Variants in NDC1 observed in about 807,000 individuals in gnomAD.
NDC1 encodes the protein NDC1 transmembrane nucleoporin.
A neutral mutation model predicts 89.8 loss-of-function variants in NDC1; 24 were observed. That is an observed-to-expected ratio of 0.27 (90% CI 0.19 to 0.38). The LOEUF is 0.38. Among genes scored for constraint, NDC1 ranks in the 10% least tolerant of loss-of-function variants. The pLI is 1.00. For synonymous variants in NDC1, 296 were observed against 284.8 expected, an observed-to-expected ratio of 1.04 and a Z score of -0.39; for missense variants, 728 against 797.6, an observed-to-expected ratio of 0.91 and a Z score of 1.05.
At chr1:53,771,621 T>C (rs1400842494) in intron 17 of NDC1, among the ~76,000 whole-genome samples, 1 of 152,234 alleles carries the variant, frequency 6.6e-6, no homozygotes, top group Non-Finnish European at 1.5e-5. Context: ...TTTTTAACTT[T>C]ATTTAACTTT....
intron 14 of NDC1, among the ~76,000 whole-genome samples, chr1:53,792,186 C>A (rs1308728333): frequency 6.6e-6 from 1 of 152,134 alleles, no homozygotes; most frequent in African/African-American, 2.4e-5. Flanking sequence ...TCGTGATCCG[C>A]CCGCCTTGGC....
chr1:53,787,815 A>G (rs1320066355), intron 15 of NDC1, among the ~76,000 whole-genome samples: 1 of 151,188 alleles, frequency 6.6e-6, no homozygotes, highest in Non-Finnish European at 1.5e-5. Flanking sequence ...TCTATTAGGA[A>G]GAAAATTTTA....
At chr1:53,769,034 C>T (rs1407545443) in intron 17 of NDC1, among the ~76,000 whole-genome samples, 3 of 152,104 alleles carry the variant, frequency 2.0e-5, no homozygotes, top group Non-Finnish European at 2.9e-5. Context: ...TGATATGGGC[C>T]AGGCATGGTG....
At chr1:53,789,330 C>A (rs1192863541) in intron 14 of NDC1, 134 bp from the exon 15 acceptor site, 9 of 587,434 alleles carry the variant, frequency 1.5e-5, no homozygotes, top group Admixed American at 3.2e-5. Context: ...AAAATAAATT[C>A]TTTTATATTT....
intron 6 of NDC1, among the ~76,000 whole-genome samples, chr1:53,817,291 T>C (rs1648515148): frequency 1.3e-5 from 2 of 152,184 alleles, no homozygotes; most frequent in African/African-American, 4.8e-5. Flanking sequence ...ATATATATGA[T>C]GGAATACTAT....
rs566959469 is a variant in NDC1, at chr1:53,791,965, C to T, written c.1635+1264G>A. ...CTTCTTCTTTTTTTTTTTTTTGAGA[C>T]GGCGTCTCGCTCTTTCACCCAGGCC... On this transcript the variant is annotated intron_variant, in intron 14 of 17. Transcript: ENST00000371429. Among the ~76,000 whole-genome samples, 27 of 148,882 alleles carry T rather than the reference C, an allele frequency of 1.8e-4. No individual in the cohort carries two copies. The South Asian group carries it at 5.5e-3, about 30-fold the overall frequency.
intron 6 of NDC1, among the ~76,000 whole-genome samples, chr1:53,817,191 C>A (rs904226495): frequency 6.6e-6 from 1 of 152,196 alleles, no homozygotes; most frequent in Non-Finnish European, 1.5e-5. Context: ...CTTGCACACA[C>A]ATATGTATAG....
intron 16 of NDC1, among the ~76,000 whole-genome samples, chr1:53,784,827 A>T (rs1647266288): frequency 6.6e-6 from 1 of 151,826 alleles, no homozygotes; most frequent in Admixed American, 6.6e-5. Flanking sequence ...GCATAGTGGC[A>T]TGTGCCTGTA....
At position 53,803,749 on chromosome 1, in the gene NDC1, C is replaced by T. The variant is rs565824308; in HGVS notation, c.1066+179G>A. Reference sequence around the variant, plus strand: ...ACCACGCCCGGCTAATTTTTTGTATCTTTAGTAGAGACAGGGTTTCACCGT... The same window carrying T: ...ACCACGCCCGGCTAATTTTTTGTATTTTTAGTAGAGACAGGGTTTCACCGT... On this transcript the variant is annotated intron_variant, in intron 10 of 17. Coordinates refer to ENST00000371429, the MANE Select transcript of NDC1 (RefSeq NM_018087.5). Among the ~76,000 whole-genome samples the T allele has an allele frequency of 4.7e-4, 72 of 152,020 alleles. No homozygotes were observed. The East Asian group carries it at 0.012, about 25-fold the overall frequency.
intron 8 of NDC1, 26 bp from the exon 9 acceptor site, chr1:53,806,543 A>G (rs760112863): frequency 1.1e-5 from 15 of 1,384,740 alleles, no homozygotes; most frequent in Non-Finnish European, 1.4e-5. Context: ...AAAACCAAAA[A>G]TGATTATTTT....
Position 53,837,954 on chromosome 1 carries a change from T to C in NDC1, c.57+251A>G, listed in dbSNP as rs192276889. ...AACTCCGCCTCACTCCCTATTCCAA[T>C]TTCCATTCAGTCCATCCGTCCCACT... On this transcript the variant is annotated intron_variant, in intron 1 of 17. Transcript: ENST00000371429. 6.7e-3 allele frequency among the ~76,000 whole-genome samples: 1,015 copies of C among 152,320 alleles called. 5 individuals carry two copies. The highest frequency in any genetic ancestry group is 0.013 in the South Asian group (61 of 4,834).
intron 10 of NDC1, among the ~76,000 whole-genome samples, chr1:53,801,189 G>T (rs1647902034): frequency 6.6e-6 from 1 of 151,590 alleles, no homozygotes; most frequent in African/African-American, 2.4e-5. Flanking sequence ...TACTTCACTA[G>T]CAGTATTAAA....
At chr1:53,788,265 G>T (rs1647370715) in intron 15 of NDC1, among the ~76,000 whole-genome samples, 3 of 152,020 alleles carry the variant, frequency 2.0e-5, no homozygotes, top group Non-Finnish European at 4.4e-5. Flanking sequence ...TTGAACTCCA[G>T]CTTGGGAGAC....
intron 3 of NDC1, 60 bp downstream of exon 3, chr1:53,832,430 G>C: frequency 1.1e-6 from 1 of 886,854 alleles, no homozygotes; most frequent in South Asian, 1.5e-5. Flanking sequence ...AATGTACTAA[G>C]TCTTCCCTTA....
chr1:53,772,114 C>A (rs1647118460), intron 17 of NDC1, among the ~76,000 whole-genome samples: 1 of 151,906 alleles, frequency 6.6e-6, no homozygotes, highest in Non-Finnish European at 1.5e-5. Flanking sequence ...TTTCTGTCTT[C>A]TTTTGTCCAT....
chr1:53,804,570 G>A (rs1337549059), intron 9 of NDC1, among the ~76,000 whole-genome samples: 3 of 152,002 alleles, frequency 2.0e-5, no homozygotes, highest in Non-Finnish European at 4.4e-5. Context: ...TCCGCCTTAC[G>A]GGTTCAAGCA....
At chr1:53,808,517 G>T (rs781195704) in intron 7 of NDC1, among the ~76,000 whole-genome samples, 9 of 152,058 alleles carry the variant, frequency 5.9e-5, no homozygotes, top group Non-Finnish European at 8.8e-5. Flanking sequence ...CTTACATTAG[G>T]AGTGCCCAGC....
At chr1:53,796,842 G>T (rs1453368926) in intron 12 of NDC1, 38 bp from the exon 13 acceptor site, 1 of 1,605,962 alleles carries the variant, frequency 6.2e-7, no homozygotes, top group Non-Finnish European at 8.5e-7. Context: ...AAGAACTTAG[G>T]CTGTCTGATC....
intron 4 of NDC1, among the ~76,000 whole-genome samples, 200 bp downstream of exon 4, chr1:53,827,799 C>T (rs559791787): frequency 5.9e-5 from 9 of 152,254 alleles, no homozygotes; most frequent in Non-Finnish European, 1.3e-4. Flanking sequence ...TCTCATAAAT[C>T]GCATAGCACC....
Sources: allele counts gnomAD v4.1 joint callset (sites outside exome capture counted in the v4.1 genomes callset), GRCh38; gene constraint gnomAD v4.1.1; transcripts MANE v1.5; gene names NCBI Gene and HGNC (gene_info 2026-07-23, HGNC 2026-07-21).